Variants in EPHX1 observed in about 807,000 individuals in gnomAD.
The protein encoded by EPHX1 is epoxide hydrolase 1.
A neutral mutation model predicts 43.2 loss-of-function variants in EPHX1; 40 were observed. That is an observed-to-expected ratio of 0.93 (90% CI 0.72 to 1.21). EPHX1 has a LOEUF of 1.21. Ranked by LOEUF, EPHX1 falls within the 50% of genes most tolerant of loss-of-function variation. The probability of loss-of-function intolerance (pLI) is 0.00; values close to 1 mark genes in which losing one functional copy is unlikely to be tolerated. For missense variants in EPHX1, 550 were observed against 570.4 expected (o/e 0.96, Z 0.36); for synonymous variants, 221 against 226.7 (o/e 0.98, Z 0.22).
rs751091751 is a variant in EPHX1 at position 225,845,165 on chromosome 1, A to G, written c.1186A>G (p.Thr396Ala). 4.5e-5 allele frequency: 72 copies of G among 1,613,858 alleles called. No individual in the cohort carries two copies. In the Admixed American group the frequency reaches 1.2e-3, roughly 26 times the overall value. The change falls in exon 9 of 9, where the codon ACT (threonine) becomes GCT (alanine). Residue 396 changes from threonine to alanine, a missense_variant. Physicochemically the swap from Thr to Ala is moderately conservative, Grantham distance 58. Coordinates refer to ENST00000272167, the MANE Select transcript of EPHX1 (RefSeq NM_001136018.4). ...KHERMKVYVP[T>A]GFSAFPFELL... ...TTCCAGGATGAAGGTCTATGTGCCC[A>G]CTGGCTTCTCTGCCTTCCCTTTTGA...
chr1:225,842,661 G>T (rs768736406), intron 7 of EPHX1, among the ~76,000 whole-genome samples, 187 bp downstream of exon 7: 8 of 152,260 alleles, frequency 5.3e-5, no homozygotes, highest in Non-Finnish European at 8.8e-5. Context: ...CTGGTGGGTT[G>T]TTCCCAGCCT....
intron 6 of EPHX1, 67 bp downstream of exon 6, chr1:225,840,104 ACCT>A (rs1668280226): frequency 1.4e-6 from 2 of 1,479,748 alleles, no homozygotes; most frequent in Non-Finnish European, 1.9e-6. Flanking sequence ...CCGCGGGGTA[ACCT>A]CACCACCCCA....
intron 1 of EPHX1, chr1:225,810,716 G>A (rs1196672388): frequency 1.4e-5 from 2 of 142,996 alleles, no homozygotes; most frequent in Admixed American, 7.3e-5. Context: ...TAGGATTTGG[G>A]TAGGTAAAGG....
chr1:225,831,682 T>C (rs183948598), intron 2 of EPHX1, 97 bp from the exon 3 acceptor site: 3 of 1,254,928 alleles, frequency 2.4e-6, no homozygotes, highest in Non-Finnish European at 3.5e-6. Context: ...CAGTATCTTG[T>C]GGCTGCAGGG....
intron 6 of EPHX1, 51 bp from the exon 7 acceptor site, chr1:225,842,315 C>A: frequency 7.4e-7 from 1 of 1,358,400 alleles, no homozygotes; most frequent in Non-Finnish European, 1.1e-6. Flanking sequence ...GAAGCTCCAG[C>A]TCTCTGGTCC....
intron 1 of EPHX1, among the ~76,000 whole-genome samples, chr1:225,818,125 G>A (rs1037268069): frequency 2.0e-5 from 3 of 152,114 alleles, no homozygotes; most frequent in African/African-American, 4.8e-5. Flanking sequence ...GCATCTTATG[G>A]TCTGTCTCTA....
chr1:225,834,176 G>A (rs556727722), intron 3 of EPHX1, among the ~76,000 whole-genome samples: 9 of 150,716 alleles, frequency 6.0e-5, no homozygotes, highest in African/African-American at 2.2e-4. Context: ...GGAGGCCGAG[G>A]CGGGTGGATC....
chr1:225,834,509 G>A (rs1667850277), intron 3 of EPHX1, among the ~76,000 whole-genome samples: 1 of 150,254 alleles, frequency 6.7e-6, no homozygotes, highest in South Asian at 2.1e-4. Context: ...GTGGGAGAAT[G>A]AGCCAGAGAA....
chr1:225,840,059 C>T lies in EPHX1; in HGVS notation c.931+22C>T, dbSNP rs372701419. ...GTAGGTGAGTGTGCTCAGGGGTCCTCGCCCACTGCCGGCTCCACTGGGGCA... is the reference window on the plus strand; with the variant it reads ...GTAGGTGAGTGTGCTCAGGGGTCCTTGCCCACTGCCGGCTCCACTGGGGCA... On this transcript the variant is annotated intron_variant, in intron 6 of 8. Transcript: ENST00000272167. 2.0e-4 allele frequency: 323 copies of T among 1,612,064 alleles called. No homozygotes were observed. In the South Asian group the frequency reaches 3.3e-3, roughly 17 times the overall value.
chr1:225,813,437 G>C (rs1666576467), intron 1 of EPHX1, among the ~76,000 whole-genome samples: 4 of 152,308 alleles, frequency 2.6e-5, no homozygotes, highest in Admixed American at 2.6e-4. Context: ...CCCGTTAGGG[G>C]ACCAAAGCGT....
chr1:225,839,400 T>TGTCCTC, intron 5 of EPHX1, 54 bp downstream of exon 5: 1 of 1,591,154 alleles, frequency 6.3e-7, no homozygotes, highest in Non-Finnish European at 8.6e-7. Context: ...TGTGTGTGTG[T>TGTCCTC]GTCCTCTAAG....
chr1:225,811,928 A>G (rs1399437788), intron 1 of EPHX1, among the ~76,000 whole-genome samples: 1 of 152,196 alleles, frequency 6.6e-6, no homozygotes, highest in Admixed American at 6.5e-5. Context: ...TTTGTAAACT[A>G]TAAAGTATGT....
intron 1 of EPHX1, among the ~76,000 whole-genome samples, chr1:225,827,789 G>C (rs971206123): frequency 6.6e-6 from 1 of 152,210 alleles, no homozygotes; most frequent in Non-Finnish European, 1.5e-5. Flanking sequence ...CGAATTGTAT[G>C]GTATATGAAT....
Position 225,844,393 on chromosome 1 carries a change from G to A in EPHX1, c.1041-105G>A. 3.2e-6 allele frequency: 5 copies of A among 1,577,670 alleles called. No individual in the cohort carries two copies. The African/African-American group carries it at 4.0e-5, about 13-fold the overall frequency. On this transcript the variant is annotated intron_variant, in intron 7 of 8. Coordinates refer to ENST00000272167, the MANE Select transcript of EPHX1 (RefSeq NM_001136018.4). ...ACACGTTGCATGAGGTCTGAGGAGGGAAGCCGCATGGGCAGGGCCTGGCAT... is the reference window on the plus strand; with the variant it reads ...ACACGTTGCATGAGGTCTGAGGAGGAAAGCCGCATGGGCAGGGCCTGGCAT...
At chr1:225,813,700 C>T (rs192061193) in intron 1 of EPHX1, among the ~76,000 whole-genome samples, 12 of 152,368 alleles carry the variant, frequency 7.9e-5, no homozygotes, top group Admixed American at 4.6e-4. Flanking sequence ...GCCTGACCTA[C>T]GGCATTCCAG....
intron 3 of EPHX1, chr1:225,832,277 G>A: frequency 5.3e-6 from 2 of 377,258 alleles, no homozygotes; most frequent in South Asian, 4.4e-5. Context: ...GGGTGGCTCA[G>A]AACTGTAATC....
chr1:225,825,721 T>C (rs1055666852), intron 1 of EPHX1, among the ~76,000 whole-genome samples: 1 of 152,206 alleles, frequency 6.6e-6, no homozygotes, highest in African/African-American at 2.4e-5. Context: ...CTGGGCACTG[T>C]GGGTCAAGGC....
At chr1:225,838,153 A>G (rs915583241) in intron 3 of EPHX1, among the ~76,000 whole-genome samples, 1 of 152,244 alleles carries the variant, frequency 6.6e-6, no homozygotes, top group Non-Finnish European at 1.5e-5. Context: ...TCTTCTGATC[A>G]GTTTTCTATG....
At chr1:225,824,246 G>A (rs978599750) in intron 1 of EPHX1, among the ~76,000 whole-genome samples, 4 of 152,050 alleles carry the variant, frequency 2.6e-5, no homozygotes, top group African/African-American at 7.2e-5. Context: ...ATGCAGGCCT[G>A]GGAGACGTCT....
Sources: allele counts gnomAD v4.1 joint callset (sites outside exome capture counted in the v4.1 genomes callset), GRCh38; gene constraint gnomAD v4.1.1; transcripts MANE v1.5; gene names NCBI Gene and HGNC (gene_info 2026-07-23, HGNC 2026-07-21).